Variants in SLIT2 observed in about 807,000 individuals in gnomAD.
The protein encoded by SLIT2 is slit homolog 2 protein.
In SLIT2, 41 loss-of-function variants were observed where a neutral mutation model predicts 185.7. The ratio of observed to expected loss-of-function variants is 0.22; its 90% confidence interval spans 0.17 to 0.29. SLIT2 has a LOEUF of 0.29. SLIT2 is among the 10% of genes least tolerant of loss of function. The pLI is 1.00. For missense variants in SLIT2, 1,571 were observed against 1,909.0 expected, an observed-to-expected ratio of 0.82 and a Z score of 3.30; for synonymous variants, 693 against 680.2, an observed-to-expected ratio of 1.02 and a Z score of -0.29.
At chr4:20,604,013 A>G (rs749203108) in intron 33 of SLIT2, among the ~76,000 whole-genome samples, 4 of 152,186 alleles carry the variant, frequency 2.6e-5, no homozygotes, top group Non-Finnish European at 4.4e-5. Flanking sequence ...TATCTCAGTA[A>G]ATGCAATTAG....
chr4:20,616,722 C>T (rs928144321), intron 34 of SLIT2, 188 bp from the exon 35 acceptor site: 6 of 520,686 alleles, frequency 1.2e-5, no homozygotes, highest in Non-Finnish European at 2.0e-5. Flanking sequence ...CCTGGAGCAT[C>T]TTCCAATACA....
intron 9 of SLIT2, 81 bp downstream of exon 9, chr4:20,491,980 A>T (rs1321672008): frequency 7.1e-7 from 1 of 1,406,944 alleles, no homozygotes; most frequent in Non-Finnish European, 9.9e-7. Context: ...TTCTGAGTTT[A>T]TCGAAGGCAC....
chr4:20,317,217 G>A (rs141049579), intron 4 of SLIT2, among the ~76,000 whole-genome samples: 21 of 151,568 alleles, frequency 1.4e-4, no homozygotes, highest in African/African-American at 3.6e-4. Context: ...TGTTTGTTAC[G>A]CAGTATTAAT....
chr4:20,474,635 G>A (rs147257480), intron 5 of SLIT2, among the ~76,000 whole-genome samples: 58 of 152,150 alleles, frequency 3.8e-4, no homozygotes, highest in African/African-American at 1.3e-3. Context: ...CATGGCTGCT[G>A]TGTCTTCTTA....
At chr4:20,573,811 T>C (rs1050180105) in intron 29 of SLIT2, among the ~76,000 whole-genome samples, 23 of 152,050 alleles carry the variant, frequency 1.5e-4, no homozygotes, top group Non-Finnish European at 3.1e-4. Flanking sequence ...AAATTTGTGT[T>C]ATAGGATACC....
At position 20,396,577 on chromosome 4, in the gene SLIT2, TA is replaced by T. The variant is rs549500345; in HGVS notation, c.396-71170del. On this transcript the variant is annotated intron_variant, in intron 4 of 36. Transcript: ENST00000504154. ...TACAGATAAGTGAAAAGAGTTCTTTTAAAAACCTAATCTTTTTTCTTATACC... is the reference window on the plus strand; with the variant it reads ...TACAGATAAGTGAAAAGAGTTCTTTTAAAACCTAATCTTTTTTCTTATACC... 9.0e-4 allele frequency among the ~76,000 whole-genome samples: 137 copies of T among 151,816 alleles called. 1 individual carries two copies. Among genetic ancestry groups the T allele is most frequent in the African/African-American group, 3.1e-3 (127 of 41,478 alleles).
chr4:20,373,955 C>A (rs1011698180), intron 4 of SLIT2, among the ~76,000 whole-genome samples: 3 of 152,024 alleles, frequency 2.0e-5, no homozygotes, highest in Non-Finnish European at 4.4e-5. Context: ...AGTAGCAGAA[C>A]CTGGTGATAT....
intron 26 of SLIT2, among the ~76,000 whole-genome samples, chr4:20,556,156 T>C (rs888106630): frequency 2.0e-5 from 3 of 152,036 alleles, no homozygotes; most frequent in African/African-American, 4.8e-5. Context: ...CAATAATCTT[T>C]CCTTTACGAT....
At chr4:20,589,763 C>A in intron 30 of SLIT2, 26 bp downstream of exon 30, 1 of 1,565,156 alleles carries the variant, frequency 6.4e-7, no homozygotes, top group Non-Finnish European at 8.8e-7. Flanking sequence ...CCTTTTTGCT[C>A]ACAGTCAGGG....
chr4:20,441,585 G>A (rs1041115849), intron 4 of SLIT2, among the ~76,000 whole-genome samples: 1 of 132,072 alleles, frequency 7.6e-6, no homozygotes, highest in African/African-American at 2.9e-5. Flanking sequence ...ACCCGCACTT[G>A]CAAAAATACA....
intron 4 of SLIT2, among the ~76,000 whole-genome samples, chr4:20,292,361 T>C (rs1384422982): frequency 6.6e-6 from 1 of 152,164 alleles, no homozygotes; most frequent in East Asian, 1.9e-4. Context: ...GTATTTTCTT[T>C]TGTAAAATGA....
intron 4 of SLIT2, among the ~76,000 whole-genome samples, chr4:20,399,567 TG>T (rs1378853923): frequency 3.3e-5 from 5 of 151,808 alleles, no homozygotes; most frequent in African/African-American, 1.2e-4. Context: ...CCCCTATTTT[TG>T]TTTATTGACT....
intron 4 of SLIT2, among the ~76,000 whole-genome samples, chr4:20,359,016 T>C (rs1331589191): frequency 6.6e-6 from 1 of 152,084 alleles, no homozygotes; most frequent in East Asian, 1.9e-4. Context: ...CAGGAAAATA[T>C]CCCAACTTCG....
At chr4:20,499,065 G>T (rs569882952) in intron 9 of SLIT2, among the ~76,000 whole-genome samples, 26 of 152,206 alleles carry the variant, frequency 1.7e-4, no homozygotes, top group Non-Finnish European at 3.7e-4. Context: ...CCTTTTCTCT[G>T]CATCCACACC....
intron 5 of SLIT2, among the ~76,000 whole-genome samples, chr4:20,469,798 C>G (rs1044966766): frequency 2.2e-4 from 32 of 146,450 alleles, no homozygotes; most frequent in Non-Finnish European, 8.9e-5. Flanking sequence ...CTCTCTCACC[C>G]AGGCTGGAGT....
intron 4 of SLIT2, among the ~76,000 whole-genome samples, chr4:20,309,297 CTT>C (rs1292748884): frequency 2.0e-5 from 3 of 152,058 alleles, no homozygotes; most frequent in Admixed American, 2.0e-4. Flanking sequence ...TTATAGCATT[CTT>C]TGCACTAAAA....
intron 4 of SLIT2, among the ~76,000 whole-genome samples, chr4:20,412,280 C>T (rs1727316958): frequency 6.7e-6 from 1 of 149,512 alleles, no homozygotes. Context: ...TCTTGATTCT[C>T]ACCTCTACTA....
At chr4:20,526,379 G>A (rs1721298570) in intron 15 of SLIT2, among the ~76,000 whole-genome samples, 1 of 152,020 alleles carries the variant, frequency 6.6e-6, no homozygotes, top group Admixed American at 6.6e-5. Flanking sequence ...CATTGACAAT[G>A]TTTAATATTA....
chr4:20,317,704 G>T (rs573691654), intron 4 of SLIT2, among the ~76,000 whole-genome samples: 3 of 151,978 alleles, frequency 2.0e-5, no homozygotes, highest in Non-Finnish European at 2.9e-5. Context: ...GTAACTGGTG[G>T]TTTCGTGCTT....
Sources: allele counts gnomAD v4.1 joint callset (sites outside exome capture counted in the v4.1 genomes callset), GRCh38; gene constraint gnomAD v4.1.1; transcripts MANE v1.5; gene names NCBI Gene and HGNC (gene_info 2026-07-23, HGNC 2026-07-21).